HEMK2: variants seen among roughly 807,000 people sequenced by gnomAD.
The protein encoded by HEMK2 is HemK methyltransferase 2, ETF1 glutamine and histone H4 lysine.
chr21:28,716,193 G>A, the HEMK2 span, among the ~76,000 whole-genome samples: 45 of 152,210 alleles, frequency 3.0e-4, no homozygotes, highest in Middle Eastern at 6.8e-3. Context: ...AGTTTGATAG[G>A]AATAGCACTG....
At chr21:28,665,767 C>T in the HEMK2 span, among the ~76,000 whole-genome samples, 3 of 151,722 alleles carry the variant, frequency 2.0e-5, no homozygotes, top group Non-Finnish European at 2.9e-5. Context: ...AATCATGTTG[C>T]TATAAAGACA....
chr21:28,738,402 C>T, the HEMK2 span, among the ~76,000 whole-genome samples: 1 of 152,116 alleles, frequency 6.6e-6, no homozygotes, highest in South Asian at 2.1e-4. Flanking sequence ...GTGATGTTGC[C>T]AATGTGTTTT....
the HEMK2 span, among the ~76,000 whole-genome samples, chr21:28,745,981 A>C: frequency 0.015 from 2,244 of 152,322 alleles, 48 homozygotes; most frequent in African/African-American, 0.051. Context: ...CCTGAAATAG[A>C]GCCAGGTGAG....
the HEMK2 span, among the ~76,000 whole-genome samples, chr21:28,696,258 T>C: frequency 9.2e-5 from 14 of 152,292 alleles, 1 homozygote; most frequent in South Asian, 2.7e-3. Context: ...AAGATGGGAT[T>C]TGGGCAGGGA....
At chr21:28,741,701 C>T in the HEMK2 span, among the ~76,000 whole-genome samples, 3 of 152,168 alleles carry the variant, frequency 2.0e-5, no homozygotes, top group African/African-American at 7.2e-5. Flanking sequence ...AGGCCTCTAG[C>T]TTCGTCCATG....
the HEMK2 span, among the ~76,000 whole-genome samples, chr21:28,577,580 C>A: frequency 6.6e-6 from 1 of 152,122 alleles, no homozygotes; most frequent in Non-Finnish European, 1.5e-5. Flanking sequence ...AAACCCAAGA[C>A]CCATCCTCAA....
the HEMK2 span, among the ~76,000 whole-genome samples, chr21:28,741,675 T>A: frequency 1.3e-3 from 197 of 152,298 alleles, 6 homozygotes; most frequent in South Asian, 0.04. Flanking sequence ...CCTGTGTTAG[T>A]TTGCTAAGGA....
the HEMK2 span, among the ~76,000 whole-genome samples, chr21:28,876,887 T>C: frequency 1.3e-5 from 2 of 150,910 alleles, no homozygotes; most frequent in Non-Finnish European, 2.9e-5. Context: ...CATTGCACAG[T>C]GAGAGTGAAA....
chr21:28,694,997 C>CAA, the HEMK2 span, among the ~76,000 whole-genome samples: 312 of 110,014 alleles, frequency 2.8e-3, 1 homozygote, highest in South Asian at 0.011. Flanking sequence ...GACTCTGTCT[C>CAA]AAAAAAAAAA....
At chr21:28,604,553 G>A in the HEMK2 span, among the ~76,000 whole-genome samples, 1 of 151,696 alleles carries the variant, frequency 6.6e-6, no homozygotes, top group Non-Finnish European at 1.5e-5. Context: ...TAGAGTGGGT[G>A]AAGATAGAAA....
At chr21:28,710,285 A>C in the HEMK2 span, among the ~76,000 whole-genome samples, 1 of 152,250 alleles carries the variant, frequency 6.6e-6, no homozygotes, top group Non-Finnish European at 1.5e-5. Context: ...TAATGAATTA[A>C]ACTGCTGGAC....
the HEMK2 span, among the ~76,000 whole-genome samples, chr21:28,782,557 C>G: frequency 6.6e-6 from 1 of 151,896 alleles, no homozygotes; most frequent in African/African-American, 2.4e-5. Context: ...AAAGGAGACA[C>G]GAATAATCAA....
the HEMK2 span, among the ~76,000 whole-genome samples, chr21:28,844,605 A>G: frequency 6.6e-6 from 1 of 152,070 alleles, no homozygotes; most frequent in Non-Finnish European, 1.5e-5. Context: ...AGAAGCACAC[A>G]TATATTTTTA....
chr21:28,840,811 G>GTAGAAATACCATTT, the HEMK2 span, among the ~76,000 whole-genome samples: 1 of 150,762 alleles, frequency 6.6e-6, no homozygotes, highest in Admixed American at 6.7e-5. Context: ...GGAACTAAAA[G>GTAGAAATACCATTT]TAGAAATACC....
At chr21:28,853,260 C>T in the HEMK2 span, among the ~76,000 whole-genome samples, 14 of 152,182 alleles carry the variant, frequency 9.2e-5, no homozygotes, top group Non-Finnish European at 1.6e-4. Flanking sequence ...TTCCAGCTCG[C>T]TCACAGTGGG....
the HEMK2 span, among the ~76,000 whole-genome samples, chr21:28,854,678 A>G: frequency 4.6e-5 from 7 of 152,328 alleles, no homozygotes; most frequent in Admixed American, 1.3e-4. Flanking sequence ...GGAAGCATCC[A>G]GCACAGGAGA....
chr21:28,726,530 T>C, the HEMK2 span, among the ~76,000 whole-genome samples: 1 of 152,202 alleles, frequency 6.6e-6, no homozygotes, highest in South Asian at 2.1e-4. Flanking sequence ...GAAAATAGAA[T>C]CGATTTTATT....
the HEMK2 span, among the ~76,000 whole-genome samples, chr21:28,712,344 A>T: frequency 6.6e-6 from 1 of 152,220 alleles, no homozygotes; most frequent in Non-Finnish European, 1.5e-5. Context: ...GTATGCTCAC[A>T]ATGTTTAGTA....
At chr21:28,603,170 A>G in the HEMK2 span, among the ~76,000 whole-genome samples, 4 of 152,272 alleles carry the variant, frequency 2.6e-5, no homozygotes, top group South Asian at 2.1e-4. Context: ...ACAACTCATT[A>G]GCTTCATCCC....
Sources: allele counts gnomAD v4.1 joint callset (sites outside exome capture counted in the v4.1 genomes callset), GRCh38; gene constraint gnomAD v4.1.1; transcripts MANE v1.5; gene names NCBI Gene and HGNC (gene_info 2026-07-23, HGNC 2026-07-21).